SNAP47: variants seen among roughly 807,000 people sequenced by gnomAD.
SNAP47 encodes synaptosome associated protein 47.
Under a neutral mutation model 31.4 loss-of-function variants are expected in SNAP47, and 20 were observed. That is an observed-to-expected ratio of 0.64 (90% CI 0.45 to 0.93). The LOEUF is 0.93. SNAP47 is among the 40% of genes least tolerant of loss of function. SNAP47 has a pLI of 0.00. For synonymous variants in SNAP47, 194 were observed against 213.4 expected (o/e 0.91, Z 0.79); for missense variants, 492 against 528.5 (o/e 0.93, Z 0.68).
intron 4 of SNAP47, among the ~76,000 whole-genome samples, chr1:227,774,728 A>C (rs1664048558): frequency 6.6e-6 from 1 of 152,182 alleles, no homozygotes; most frequent in Non-Finnish European, 1.5e-5. Context: ...ATTTTAGTGC[A>C]TTTTCAGTTT....
chr1:227,739,469 G>A (rs776666789), intron 1 of SNAP47, among the ~76,000 whole-genome samples: 4 of 152,196 alleles, frequency 2.6e-5, no homozygotes, highest in Non-Finnish European at 5.9e-5. Context: ...CTGAGGGAGT[G>A]GAAAGAGGGT....
chr1:227,735,227 A>G (rs1406622086), upstream of SNAP47: 1 of 1,596,250 alleles, frequency 6.3e-7, no homozygotes, highest in Non-Finnish European at 8.5e-7. Flanking sequence ...ATCGACCCCC[A>G]GGCCTCGGAA....
intron 2 of SNAP47, among the ~76,000 whole-genome samples, chr1:227,751,538 C>T (rs1445570585): frequency 6.6e-6 from 1 of 152,166 alleles, no homozygotes; most frequent in Non-Finnish European, 1.5e-5. Flanking sequence ...GTCGCAGTGT[C>T]GGAGACCACC....
intron 4 of SNAP47, among the ~76,000 whole-genome samples, chr1:227,779,889 G>A (rs190072447): frequency 7.5e-4 from 114 of 152,176 alleles, no homozygotes; most frequent in African/African-American, 2.6e-3. Flanking sequence ...CTGGCCCTGC[G>A]TGCCTCCACC....
intron 3 of SNAP47, among the ~76,000 whole-genome samples, chr1:227,765,142 C>T (rs138111309): frequency 1.3e-5 from 2 of 152,168 alleles, no homozygotes; most frequent in East Asian, 3.9e-4. Context: ...CAACACCCAG[C>T]AAGTCAAAGG....
chr1:227,780,967 G>A lies in SNAP47; in HGVS notation c.*294G>A. On this transcript the variant is annotated 3_prime_UTR_variant, in exon 5 of 5. Coordinates refer to ENST00000617596, the MANE Select transcript of SNAP47 (RefSeq NM_053052.4). ...GACACTTGGCACAGGCCTGGAAGAG[G>A]CCGCCCTCGTCTTGTCTCGGCTCCC... 2.4e-6 allele frequency: 1 copy of A among 412,504 alleles called. No individual in the cohort carries two copies. The highest frequency in any genetic ancestry group is 2.0e-5 in the African/African-American group (1 of 49,902). 25.6% of individuals were successfully genotyped at this position (412,504 alleles called of 1,614,324 possible).
In SNAP47 at chr1:227,735,482, T is replaced by A. The variant is rs777468312; in HGVS notation, c.-63T>A. 4.9e-6 allele frequency: 7 copies of A among 1,419,780 alleles called. No homozygotes were observed. The highest frequency in any genetic ancestry group is 6.4e-6 in the Non-Finnish European group (7 of 1,096,738). The allele number at this position is 1,419,780 out of a possible 1,614,324, so 87.9% of individuals were successfully genotyped here. A position where few individuals can be genotyped will look rare whatever the true frequency, so the allele number is the denominator to read the frequency against. ...GAGGCGCCGCGGTCGGCTCTGGGACTCGTCTGGCGTCCCTCAGGTGAGCGA... is the reference window on the plus strand; with the variant it reads ...GAGGCGCCGCGGTCGGCTCTGGGACACGTCTGGCGTCCCTCAGGTGAGCGA... On this transcript the variant is annotated 5_prime_UTR_variant, in exon 1 of 5. Coordinates refer to ENST00000617596, the MANE Select transcript of SNAP47 (RefSeq NM_053052.4).
At chr1:227,735,177 C>A, upstream of SNAP47, 1 of 1,580,762 alleles carries the variant, frequency 6.3e-7, no homozygotes, top group Non-Finnish European at 8.6e-7. Flanking sequence ...GGCTCCGAGA[C>A]GAAGGCTACC....
chr1:227,768,397 T>C, intron 4 of SNAP47: 1 of 918,164 alleles, frequency 1.1e-6, no homozygotes, highest in Non-Finnish European at 1.3e-6. Flanking sequence ...CCCGGCCCTG[T>C]TTTTGTAGGG....
intron 1 of SNAP47, among the ~76,000 whole-genome samples, chr1:227,739,161 GTTTT>G (rs1403022668): frequency 6.6e-6 from 1 of 152,110 alleles, no homozygotes; most frequent in African/African-American, 2.4e-5. Context: ...CATTAGGATG[GTTTT>G]TTGTTTTTGT....
In SNAP47 at chr1:227,780,864, C is replaced by G; in HGVS notation, c.*191C>G. 1.4e-6 allele frequency: 1 copy of G among 714,318 alleles called. No homozygotes were observed. The highest frequency in any genetic ancestry group is 2.8e-5 in the East Asian group (1 of 36,260). The allele number at this position is 714,318 out of a possible 1,614,324, so 44.2% of individuals were successfully genotyped here. A position where few individuals can be genotyped will look rare whatever the true frequency, so the allele number is the denominator to read the frequency against. ...TGCACCATGCCTGCCTCCCACTTGG[C>G]TGTCCCTGCTGCTGGGCAGGACCCG... On this transcript the variant is annotated 3_prime_UTR_variant, in exon 5 of 5. Coordinates refer to ENST00000617596, the MANE Select transcript of SNAP47 (RefSeq NM_053052.4).
chr1:227,765,704 T>G (rs1308009444), intron 3 of SNAP47, among the ~76,000 whole-genome samples: 1 of 152,180 alleles, frequency 6.6e-6, no homozygotes, highest in Non-Finnish European at 1.5e-5. Context: ...AGGGAGCCCC[T>G]TACTTCCCAC....
chr1:227,732,612 G>A (rs954051570), upstream of SNAP47: 4 of 1,613,426 alleles, frequency 2.5e-6, no homozygotes, highest in Admixed American at 1.7e-5. Context: ...CCTCTTCTCA[G>A]CGATGACCTT....
chr1:227,743,647 C>T lies in SNAP47; in HGVS notation c.-45-4045C>T, dbSNP rs115316928. ...CAGTGGCAGTCACAGGCCGTGTCAT[C>T]GTTGCTGGTCTTTGAATGTCACTAT... On this transcript the variant is annotated intron_variant, in intron 1 of 4. Coordinates refer to ENST00000617596, the MANE Select transcript of SNAP47 (RefSeq NM_053052.4). Among the ~76,000 whole-genome samples, 617 of 152,332 alleles carry T rather than the reference C, an allele frequency of 4.1e-3. 7 individuals are homozygous for T. Among genetic ancestry groups the T allele is most frequent in the African/African-American group, 0.014 (585 of 41,558 alleles).
chr1:227,742,955 C>G (rs1330571351), intron 1 of SNAP47, among the ~76,000 whole-genome samples: 1 of 152,214 alleles, frequency 6.6e-6, no homozygotes, highest in Non-Finnish European at 1.5e-5. Context: ...GCCTGCCGAC[C>G]CTCGCCATGG....
chr1:227,766,611 G>T (rs1309021302), intron 3 of SNAP47, among the ~76,000 whole-genome samples: 1 of 152,276 alleles, frequency 6.6e-6, no homozygotes, highest in Non-Finnish European at 1.5e-5. Context: ...TGTCGCTGCA[G>T]TTCCCCAGTC....
chr1:227,733,188 G>A (rs561354955), upstream of SNAP47: 14 of 912,286 alleles, frequency 1.5e-5, no homozygotes, highest in African/African-American at 1.7e-4. Context: ...AGTGGGTGGC[G>A]GGCTCGGACC....
At chr1:227,755,050 GC>G (rs1253153278) in intron 2 of SNAP47, among the ~76,000 whole-genome samples, 3 of 152,160 alleles carry the variant, frequency 2.0e-5, no homozygotes, top group Non-Finnish European at 4.4e-5. Context: ...GGTCAGACAT[GC>G]CTCATTATGC....
At chr1:227,767,368 G>A (rs954380493) in intron 4 of SNAP47, among the ~76,000 whole-genome samples, 14 of 152,038 alleles carry the variant, frequency 9.2e-5, no homozygotes, top group African/African-American at 7.2e-5. Flanking sequence ...GTACATGTCC[G>A]TGTGTGTGTG....
Sources: gnomAD v4.1 joint callset for allele counts (sites outside exome capture counted in the v4.1 genomes callset) on GRCh38, gnomAD v4.1.1 for gene constraint, MANE v1.5 for transcripts, NCBI Gene and HGNC (gene_info 2026-07-23, HGNC 2026-07-21) for gene names.